VPS53: variants seen among roughly 807,000 people sequenced by gnomAD.
VPS53 encodes the protein VPS53 subunit of GARP complex, also known as vacuolar protein sorting-associated protein 53 homolog.
VPS53 carries 70 observed loss-of-function variants against 107.0 expected under a neutral mutation model. That is an observed-to-expected ratio of 0.65 (90% CI 0.54 to 0.80). VPS53 has a LOEUF of 0.80. Ranked by LOEUF, VPS53 falls within the 30% of genes least tolerant of loss-of-function variation. The pLI is 0.00. For missense variants in VPS53, 917 were observed against 1,049.4 expected (o/e 0.87, Z 1.74); for synonymous variants, 409 against 393.3 (o/e 1.04, Z -0.47).
At chr17:556,543 T>C (rs1452896938) in intron 15 of VPS53, among the ~76,000 whole-genome samples, 1 of 152,188 alleles carries the variant, frequency 6.6e-6, no homozygotes, top group African/African-American at 2.4e-5. Flanking sequence ...GTGGTTTGAT[T>C]GTGTTCTCCA....
chr17:598,095 C>A (rs547884436), intron 12 of VPS53, among the ~76,000 whole-genome samples: 2 of 152,312 alleles, frequency 1.3e-5, no homozygotes, highest in African/African-American at 4.8e-5. Flanking sequence ...ACTCAGCCTG[C>A]CGAGTGCCTG....
chr17:619,583 G>A (rs1169693227), intron 11 of VPS53, among the ~76,000 whole-genome samples: 3 of 116,990 alleles, frequency 2.6e-5, no homozygotes, highest in Non-Finnish European at 3.4e-5. Context: ...ACCACACCCC[G>A]CTAATATTTC....
chr17:714,836 TGTCAGCCGCTCC>T (rs1444124151), exon 1 of VPS53: 38 of 1,038,338 alleles, frequency 3.7e-5, no homozygotes, highest in South Asian at 4.5e-4. Flanking sequence ...TCAGCCGCTC[TGTCAGCCGCTCC>T]GGCACTTCCG....
chr17:588,812 GT>G (rs1419863028), intron 12 of VPS53, among the ~76,000 whole-genome samples: 2 of 152,210 alleles, frequency 1.3e-5, no homozygotes, highest in African/African-American at 4.8e-5. Context: ...TGTCCTGGGA[GT>G]TTTTCTGCAT....
intron 15 of VPS53, among the ~76,000 whole-genome samples, chr17:555,789 C>G (rs1912290220): frequency 6.6e-6 from 1 of 152,172 alleles, no homozygotes; most frequent in East Asian, 1.9e-4. Context: ...AAAAAAGAAT[C>G]TGAATCAGCT....
intron 7 of VPS53, among the ~76,000 whole-genome samples, chr17:643,545 ACC>A (rs1178738857): frequency 1.9e-4 from 10 of 52,898 alleles, no homozygotes; most frequent in African/African-American, 5.2e-4. Flanking sequence ...ATACTTGGAA[ACC>A]GAGGACAACA....
chr17:608,306 C>T (rs1390692334), intron 11 of VPS53, among the ~76,000 whole-genome samples: 2 of 152,132 alleles, frequency 1.3e-5, no homozygotes, highest in African/African-American at 2.4e-5. Flanking sequence ...TTCCAAAGCC[C>T]TGAACAAAGA....
chr17:703,302 G>A (rs773440586), intron 2 of VPS53, among the ~76,000 whole-genome samples: 3 of 152,210 alleles, frequency 2.0e-5, no homozygotes, highest in Non-Finnish European at 2.9e-5. Context: ...GATGGGAAAC[G>A]TGCTCTGCAG....
chr17:555,975 CAG>C (rs376046313), intron 15 of VPS53, among the ~76,000 whole-genome samples: 1 of 152,154 alleles, frequency 6.6e-6, no homozygotes, highest in East Asian at 1.9e-4. Context: ...AAGAAGAAAC[CAG>C]AGACTTAATA....
chr17:604,927 G>A (rs913297652), intron 11 of VPS53, among the ~76,000 whole-genome samples: 1 of 152,130 alleles, frequency 6.6e-6, no homozygotes, highest in Non-Finnish European at 1.5e-5. Context: ...GCCAGCCTCC[G>A]CCCTCATGGA....
intron 5 of VPS53, among the ~76,000 whole-genome samples, chr17:657,788 T>C (rs1384319618): frequency 6.6e-6 from 1 of 152,222 alleles, no homozygotes; most frequent in African/African-American, 2.4e-5. Flanking sequence ...AGTTTGTGGA[T>C]AGATACATCC....
intron 13 of VPS53, among the ~76,000 whole-genome samples, chr17:571,715 G>GT (rs1418653679): frequency 3.3e-5 from 5 of 151,848 alleles, no homozygotes; most frequent in African/African-American, 1.2e-4. Context: ...ACTGGTTTTC[G>GT]TATTTTTTTG....
chr17:557,210 T>C (rs1308968214), intron 15 of VPS53, among the ~76,000 whole-genome samples: 1 of 152,208 alleles, frequency 6.6e-6, no homozygotes, highest in African/African-American at 2.4e-5. Context: ...TTTGGGTGTT[T>C]GCTGGCAATC....
chr17:627,216 C>G lies in VPS53; in HGVS notation c.932G>C (p.Cys311Ser), dbSNP rs937094278. ...KYGRMFPREWCMAERIAVEFC... is the reference protein window; with the variant it reads ...KYGRMFPREWSMAERIAVEFC... Reference sequence around the variant, plus strand: ...TTCCACCGCAATCCTCTCAGCCATGCACCACTCACGTGGAAACATGCGGCC... The same window carrying G: ...TTCCACCGCAATCCTCTCAGCCATGGACCACTCACGTGGAAACATGCGGCC... The change falls in exon 10 of 22, where the codon TGC (cysteine) becomes TCC (serine). Residue 311 changes from cysteine to serine, a missense_variant. Coordinates refer to ENST00000437048, the MANE Select transcript of VPS53 (RefSeq NM_001128159.3). 1 of 1,613,984 alleles carries G rather than the reference C, an allele frequency of 6.2e-7. No individual in the cohort carries two copies. Among genetic ancestry groups the G allele is most frequent in the Non-Finnish European group, 8.5e-7 (1 of 1,180,024 alleles).
intron 4 of VPS53, among the ~76,000 whole-genome samples, chr17:677,252 G>A (rs1451647831): frequency 1.3e-5 from 2 of 152,108 alleles, no homozygotes; most frequent in African/African-American, 2.4e-5. Flanking sequence ...ACTACACCAC[G>A]GAATATTATT....
chr17:521,516 G>T, intron 20 of VPS53, 85 bp downstream of exon 20: 1 of 1,401,222 alleles, frequency 7.1e-7, no homozygotes. Flanking sequence ...GGTGAGGATA[G>T]GACCTACCCT....
intron 7 of VPS53, among the ~76,000 whole-genome samples, chr17:651,523 C>G (rs1240059613): frequency 2.6e-5 from 4 of 152,116 alleles, no homozygotes; most frequent in Non-Finnish European, 4.4e-5. Flanking sequence ...CCCAGGAGTT[C>G]CAAGCTGCAG....
At chr17:693,962 C>A (rs1972860817) in intron 4 of VPS53, among the ~76,000 whole-genome samples, 1 of 152,196 alleles carries the variant, frequency 6.6e-6, no homozygotes, top group African/African-American at 2.4e-5. Flanking sequence ...ATCCGTAATT[C>A]CACCAAGTCT....
chr17:548,465 CCAA>C (rs1201174273), intron 17 of VPS53, among the ~76,000 whole-genome samples: 17 of 148,352 alleles, frequency 1.1e-4, no homozygotes, highest in South Asian at 6.6e-4. Flanking sequence ...CTTTGGCCAG[CCAA>C]CAGTCCTTCT....
Sources: allele counts gnomAD v4.1 joint callset (sites outside exome capture counted in the v4.1 genomes callset), GRCh38; gene constraint gnomAD v4.1.1; transcripts MANE v1.5; gene names NCBI Gene and HGNC (gene_info 2026-07-23, HGNC 2026-07-21).